The following NDUFAF2 variants were observed in gnomAD, a reference collection of about 807,000 sequenced individuals.
NDUFAF2 encodes the protein NADH:ubiquinone oxidoreductase complex assembly factor 2, also known as NADH dehydrogenase [ubiquinone] 1 alpha subcomplex assembly factor 2.
A neutral mutation model predicts 22.8 loss-of-function variants in NDUFAF2; 13 were observed. The observed-to-expected ratio is 0.57, with a 90% CI of 0.37 to 0.91. The LOEUF is 0.91. NDUFAF2 is among the 40% of genes least tolerant of loss of function. The probability of loss-of-function intolerance (pLI) is 0.01; values close to 1 mark genes in which losing one functional copy is unlikely to be tolerated. For synonymous variants in NDUFAF2, 53 were observed against 64.2 expected, an observed-to-expected ratio of 0.83 and a Z score of 0.84; for missense variants, 162 against 195.2, an observed-to-expected ratio of 0.83 and a Z score of 1.01.
chr5:61,017,770 G>A (rs571225232), intron 1 of NDUFAF2, among the ~76,000 whole-genome samples: 6 of 150,420 alleles, frequency 4.0e-5, no homozygotes, highest in Admixed American at 3.3e-4. Flanking sequence ...TTTTTTTTGC[G>A]ATGGAGTCTC....
intron 3 of NDUFAF2, chr5:61,146,410 T>G (rs1434452352): frequency 6.6e-6 from 1 of 152,222 alleles, no homozygotes; most frequent in Non-Finnish European, 1.5e-5. Context: ...GTTTCCATCT[T>G]GTATCATTTT....
chr5:61,144,925 T>TG (rs1365387664), intron 3 of NDUFAF2, among the ~76,000 whole-genome samples: 1 of 152,206 alleles, frequency 6.6e-6, no homozygotes, highest in Non-Finnish European at 1.5e-5. Context: ...ATAACTTCCA[T>TG]AGCAGTAAGT....
intron 1 of NDUFAF2, among the ~76,000 whole-genome samples, chr5:60,959,351 T>C (rs1226351736): frequency 6.6e-6 from 1 of 152,076 alleles, no homozygotes; most frequent in African/African-American, 2.4e-5. Context: ...TTCTCTAAAA[T>C]AACTGGATGT....
intron 1 of NDUFAF2, among the ~76,000 whole-genome samples, chr5:60,999,803 T>C (rs1280276341): frequency 1.3e-5 from 2 of 152,114 alleles, no homozygotes; most frequent in Non-Finnish European, 2.9e-5. Context: ...AGTATATTTT[T>C]GAAAATGTTT....
intron 1 of NDUFAF2, among the ~76,000 whole-genome samples, chr5:61,031,345 C>A (rs191703447): frequency 9.3e-4 from 141 of 152,122 alleles, no homozygotes; most frequent in Middle Eastern, 3.4e-3. Context: ...GTGATGTTCC[C>A]CTATCTGTGT....
intron 1 of NDUFAF2, among the ~76,000 whole-genome samples, chr5:60,965,295 G>A (rs143887478): frequency 2.0e-5 from 3 of 152,238 alleles, no homozygotes; most frequent in African/African-American, 7.2e-5. Context: ...ACAATGTGAT[G>A]TTTTCATATA....
chr5:61,020,365 T>A (rs1751562493), intron 1 of NDUFAF2, among the ~76,000 whole-genome samples: 1 of 152,150 alleles, frequency 6.6e-6, no homozygotes, highest in South Asian at 2.1e-4. Flanking sequence ...ATAATCAGTT[T>A]TTAGTTTCTT....
At chr5:61,140,254 C>CT (rs1741031626) in intron 3 of NDUFAF2, among the ~76,000 whole-genome samples, 1 of 152,234 alleles carries the variant, frequency 6.6e-6, no homozygotes, top group Non-Finnish European at 1.5e-5. Flanking sequence ...ATATTGGTGA[C>CT]TAAGACCTTT....
intron 2 of NDUFAF2, among the ~76,000 whole-genome samples, chr5:61,075,208 T>C (rs1213881238): frequency 6.6e-6 from 1 of 152,206 alleles, no homozygotes; most frequent in African/African-American, 2.4e-5. Flanking sequence ...CATTGCTTCT[T>C]GGTTGGCATA....
At chr5:61,044,156 T>A (rs1751918371) in intron 1 of NDUFAF2, among the ~76,000 whole-genome samples, 1 of 152,220 alleles carries the variant, frequency 6.6e-6, no homozygotes, top group Non-Finnish European at 1.5e-5. Context: ...AGTTTCCTTT[T>A]AACAAATGAC....
Position 61,129,188 on chromosome 5 carries a change from G to A in NDUFAF2, c.259-23516G>A, listed in dbSNP as rs1753076390. 4.6e-5 allele frequency among the ~76,000 whole-genome samples: 7 copies of A among 152,318 alleles called. No homozygotes were observed. The South Asian group carries it at 1.5e-3, about 32-fold the overall frequency. Reference sequence around the variant, plus strand: ...TGGAGAAATAGAACAGTTTTACACTGTTGGTGGGACTGTAAACTAGTTCAA... The same window carrying A: ...TGGAGAAATAGAACAGTTTTACACTATTGGTGGGACTGTAAACTAGTTCAA... On this transcript the variant is annotated intron_variant, in intron 3 of 3. Coordinates refer to ENST00000296597, the MANE Select transcript of NDUFAF2 (RefSeq NM_174889.5).
In NDUFAF2 at chr5:60,993,254, C is replaced by T. The variant is rs555976667; in HGVS notation, c.127+47872C>T. Among the ~76,000 whole-genome samples, 8 of 152,312 alleles carry T rather than the reference C, an allele frequency of 5.3e-5. No individual in the cohort carries two copies. In the South Asian group the frequency reaches 8.3e-4, roughly 16 times the overall value. On this transcript the variant is annotated intron_variant, in intron 1 of 3. Coordinates refer to ENST00000296597, the MANE Select transcript of NDUFAF2 (RefSeq NM_174889.5). ...TAGCTGTCACTGGGGAACGTGGTGT[C>T]GCCTAGCAGCTTAGATACTCCAGGA...
chr5:61,148,582 T>C (rs74888276), intron 3 of NDUFAF2, among the ~76,000 whole-genome samples: 3,701 of 152,324 alleles, frequency 0.024, 62 homozygotes, highest in Non-Finnish European at 0.038. Flanking sequence ...CAACAGCCCA[T>C]TGAAGAAGAC....
intron 2 of NDUFAF2, among the ~76,000 whole-genome samples, chr5:61,074,902 C>T (rs1453274257): frequency 2.6e-5 from 4 of 152,162 alleles, no homozygotes; most frequent in Non-Finnish European, 4.4e-5. Flanking sequence ...GAGGCAAGCA[C>T]CTTCTTTGCG....
At chr5:61,011,250 G>GCA (rs1751439379) in intron 1 of NDUFAF2, among the ~76,000 whole-genome samples, 1 of 152,066 alleles carries the variant, frequency 6.6e-6, no homozygotes. Flanking sequence ...AGCTCTCCCC[G>GCA]CTGCCTCCCC....
intron 3 of NDUFAF2, among the ~76,000 whole-genome samples, chr5:61,108,507 G>C (rs1319645022): frequency 6.6e-6 from 1 of 151,430 alleles, no homozygotes; most frequent in African/African-American, 2.5e-5. Context: ...CATTTATGCA[G>C]CTTATGGGGT....
At chr5:61,073,284 CATATATAGTT>C in intron 2 of NDUFAF2, 70 bp downstream of exon 2, 1 of 1,120,690 alleles carries the variant, frequency 8.9e-7, no homozygotes, top group Non-Finnish European at 1.4e-6. Context: ...TCAATAAGAG[CATATATAGTT>C]ATATACTGTT....
intron 1 of NDUFAF2, among the ~76,000 whole-genome samples, chr5:61,018,821 G>C (rs997086797): frequency 2.0e-5 from 3 of 151,982 alleles, no homozygotes; most frequent in Admixed American, 1.3e-4. Flanking sequence ...GATTCCATAG[G>C]CTTATGGATG....
chr5:61,117,110 G>A (rs1752921404), intron 3 of NDUFAF2, among the ~76,000 whole-genome samples: 1 of 152,126 alleles, frequency 6.6e-6, no homozygotes, highest in Non-Finnish European at 1.5e-5. Context: ...TCAAAAATGA[G>A]AAGTTAATAT....
Sources: gnomAD v4.1 joint callset for allele counts (sites outside exome capture counted in the v4.1 genomes callset) on GRCh38, gnomAD v4.1.1 for gene constraint, MANE v1.5 for transcripts, NCBI Gene and HGNC (gene_info 2026-07-23, HGNC 2026-07-21) for gene names.